SGK3: variants seen among roughly 807,000 people sequenced by gnomAD.
The protein encoded by SGK3 is serum/glucocorticoid regulated kinase family member 3, also known as serine/threonine-protein kinase Sgk3.
A neutral mutation model predicts 68.5 loss-of-function variants in SGK3; 47 were observed. The observed-to-expected ratio is 0.69, with a 90% confidence interval of 0.54 to 0.87. The LOEUF is 0.87. Ranked by LOEUF, SGK3 falls within the 40% of genes least tolerant of loss-of-function variation. SGK3 has a pLI of 0.00. For missense variants in SGK3, 479 were observed against 575.5 expected, an observed-to-expected ratio of 0.83 and a Z score of 1.72; for synonymous variants, 181 against 189.1, an observed-to-expected ratio of 0.96 and a Z score of 0.35.
intron 1 of SGK3, among the ~76,000 whole-genome samples, chr8:66,717,339 A>G (rs1027974092): frequency 6.6e-6 from 1 of 151,666 alleles, no homozygotes; most frequent in Non-Finnish European, 1.5e-5. Context: ...AGACCAGCCT[A>G]GCCAACATGG....
chr8:66,716,004 G>A (rs1400029943), intron 1 of SGK3, among the ~76,000 whole-genome samples: 5 of 152,100 alleles, frequency 3.3e-5, no homozygotes, highest in Non-Finnish European at 7.4e-5. Context: ...ACCTTTTCCA[G>A]TTCTCATGTT....
chr8:66,843,583 A>C, intron 14 of SGK3, 36 bp downstream of exon 14: 1 of 1,581,704 alleles, frequency 6.3e-7, no homozygotes, highest in Non-Finnish European at 8.7e-7. Context: ...CCAATGTATT[A>C]TCATTGATTT....
intron 3 of SGK3, among the ~76,000 whole-genome samples, chr8:66,801,684 A>C (rs878861135): frequency 6.6e-6 from 1 of 151,214 alleles, no homozygotes; most frequent in Non-Finnish European, 1.5e-5. Flanking sequence ...ACACACACAC[A>C]CCCCACATAC....
chr8:66,834,729 CG>C (rs1322922705), intron 8 of SGK3, among the ~76,000 whole-genome samples: 2 of 151,740 alleles, frequency 1.3e-5, no homozygotes, highest in Non-Finnish European at 2.9e-5. Flanking sequence ...GCCAGGAAAT[CG>C]AGACCGTCCT....
intron 10 of SGK3, among the ~76,000 whole-genome samples, chr8:66,838,374 T>C (rs551238292): frequency 6.6e-6 from 1 of 152,286 alleles, no homozygotes; most frequent in South Asian, 2.1e-4. Flanking sequence ...GAAATTTTCT[T>C]ATTTATAAAT....
intron 1 of SGK3, among the ~76,000 whole-genome samples, chr8:66,779,509 T>C (rs1806862219): frequency 6.8e-6 from 1 of 146,090 alleles, no homozygotes; most frequent in South Asian, 2.1e-4. Context: ...AAGCAGCAGT[T>C]TCTATTGTTA....
At chr8:66,802,078 T>G (rs1213676031) in intron 3 of SGK3, among the ~76,000 whole-genome samples, 1 of 152,220 alleles carries the variant, frequency 6.6e-6, no homozygotes, top group Non-Finnish European at 1.5e-5. Context: ...TAATTTCTTT[T>G]GTATTTCTTT....
intron 2 of SGK3, among the ~76,000 whole-genome samples, chr8:66,798,276 G>A (rs914386791): frequency 6.6e-6 from 1 of 152,030 alleles, no homozygotes; most frequent in Non-Finnish European, 1.5e-5. Flanking sequence ...AGAAAGTGCT[G>A]AGATTACAGG....
chr8:66,792,216 C>T (rs1324552880), intron 1 of SGK3, among the ~76,000 whole-genome samples: 2 of 151,044 alleles, frequency 1.3e-5, no homozygotes, highest in Admixed American at 1.3e-4. Context: ...GTAATTCCAG[C>T]TACTTGGGAG....
At chr8:66,787,918 C>T (rs1301925984) in intron 1 of SGK3, among the ~76,000 whole-genome samples, 8 of 152,242 alleles carry the variant, frequency 5.3e-5, no homozygotes, top group Non-Finnish European at 1.0e-4. Context: ...GGCACTCCTC[C>T]TTACAGGTAA....
chr8:66,832,421 T>C (rs1809340267), intron 8 of SGK3, among the ~76,000 whole-genome samples: 1 of 152,204 alleles, frequency 6.6e-6, no homozygotes, highest in South Asian at 2.1e-4. Flanking sequence ...TCCTTGAGAC[T>C]AGAAACTGTG....
intron 1 of SGK3, chr8:66,778,209 A>G (rs2130512675): frequency 6.6e-6 from 1 of 152,312 alleles, no homozygotes; most frequent in African/African-American, 2.4e-5. Context: ...TCAGTGCTTC[A>G]TGTCCTGGAG....
At chr8:66,829,377 A>T (rs1341993517) in intron 7 of SGK3, among the ~76,000 whole-genome samples, 2 of 152,116 alleles carry the variant, frequency 1.3e-5, no homozygotes, top group Non-Finnish European at 2.9e-5. Context: ...TTGGAGAATG[A>T]TTATAGGCAG....
intron 1 of SGK3, among the ~76,000 whole-genome samples, chr8:66,750,977 A>G (rs1395780824): frequency 1.3e-5 from 2 of 151,618 alleles, no homozygotes; most frequent in Non-Finnish European, 2.9e-5. Context: ...ACTGCACTCC[A>G]GCCTGGGTGA....
At chr8:66,779,571 T>G (rs1049522088) in intron 1 of SGK3, among the ~76,000 whole-genome samples, 26 of 108,058 alleles carry the variant, frequency 2.4e-4, no homozygotes, top group South Asian at 1.1e-3. Flanking sequence ...AATATATATA[T>G]ATATATATAT....
intron 3 of SGK3, among the ~76,000 whole-genome samples, chr8:66,801,112 G>A (rs1019061114): frequency 1.3e-5 from 2 of 152,196 alleles, no homozygotes; most frequent in African/African-American, 4.8e-5. Flanking sequence ...TCCCTTATCT[G>A]AAATACTTGG....
rs1806604267 is a variant in SGK3, at chr8:66,774,069, C to G, written c.-121-19547C>G. Among the ~76,000 whole-genome samples, 2 of 152,118 alleles carry G rather than the reference C, an allele frequency of 1.3e-5. 1 individual carries two copies. Among genetic ancestry groups the G allele is most frequent in the South Asian group, 4.1e-4 (2 of 4,828 alleles). The stretch of plus-strand genomic sequence containing the variant: ...GACAATACTTCCCTGCATCCTTTCC[C>G]CTCTCCTATGAGTTGAGCCTGGCAG... On this transcript the variant is annotated intron_variant, in intron 1 of 16. Coordinates refer to ENST00000521198, the MANE Select transcript of SGK3 (RefSeq NM_001033578.3).
intron 1 of SGK3, among the ~76,000 whole-genome samples, chr8:66,736,431 G>C (rs1805316610): frequency 6.6e-6 from 1 of 151,870 alleles, no homozygotes; most frequent in Non-Finnish European, 1.5e-5. Flanking sequence ...TAACAAAGTT[G>C]GTGCTCAATA....
At chr8:66,717,247 A>G (rs539435031) in intron 1 of SGK3, among the ~76,000 whole-genome samples, 3 of 147,880 alleles carry the variant, frequency 2.0e-5, no homozygotes, top group Non-Finnish European at 4.4e-5. Context: ...CAAAAAAAAA[A>G]CGCTGGGCTT....
Sources: allele counts gnomAD v4.1 joint callset (sites outside exome capture counted in the v4.1 genomes callset), GRCh38; gene constraint gnomAD v4.1.1; transcripts MANE v1.5; gene names NCBI Gene and HGNC (gene_info 2026-07-23, HGNC 2026-07-21).